Variants in ATP8A1 observed in about 807,000 individuals in gnomAD.
ATP8A1 encodes the protein phospholipid-transporting ATPase IA.
ATP8A1 carries 90 observed loss-of-function variants against 177.7 expected under a neutral mutation model. The ratio of observed to expected loss-of-function variants is 0.51; its 90% CI spans 0.43 to 0.60. The LOEUF (loss-of-function observed/expected upper bound fraction) is 0.60. Among genes scored for constraint, ATP8A1 ranks in the 20% least tolerant of loss-of-function variants. ATP8A1 has a pLI of 0.00. For missense variants in ATP8A1, 1,072 were observed against 1,392.8 expected (o/e 0.77, Z 3.67); for synonymous variants, 493 against 485.9 (o/e 1.01, Z -0.19).
intron 6 of ATP8A1, among the ~76,000 whole-genome samples, chr4:42,591,354 A>C (rs571023088): frequency 6.6e-6 from 1 of 150,816 alleles, no homozygotes; most frequent in Non-Finnish European, 1.5e-5. Context: ...TGCCCCACTT[A>C]AAAAAAAACT....
At chr4:42,566,620 A>G (rs1731374494) in intron 15 of ATP8A1, among the ~76,000 whole-genome samples, 1 of 152,240 alleles carries the variant, frequency 6.6e-6, no homozygotes, top group African/African-American at 2.4e-5. Context: ...TTACTGAAAG[A>G]AATTCTAGGT....
chr4:42,624,629 T>C lies in ATP8A1; in HGVS notation c.270A>G (p.Ile90Met). The change falls in exon 4 of 37, where the codon ATA becomes ATG. Residue 90 changes from isoleucine (I) to methionine (M), a missense_variant. Transcript: ENST00000381668. ...AACGACCTGTTGGTGACACATCAGG[T>C]ATTTGCTGTTTGGAAAAAAAAAAAA... ...FFLFIALLQQIPDVSPTGRYT... is the reference protein window; with the variant it reads ...FFLFIALLQQMPDVSPTGRYT... 1 of 1,368,366 alleles carries C rather than the reference T, an allele frequency of 7.3e-7. No homozygotes were observed. Among genetic ancestry groups the C allele is most frequent in the South Asian group, 1.9e-5 (1 of 53,234 alleles). 84.8% of individuals were successfully genotyped at this position (1,368,366 alleles called of 1,614,324 possible).
chr4:42,412,880 G>C lies in ATP8A1; in HGVS notation c.*36C>G, dbSNP rs775377029. 6 of 1,583,508 alleles carry C rather than the reference G, an allele frequency of 3.8e-6. No individual in the cohort carries two copies. The highest frequency in any genetic ancestry group is 1.7e-6 in the Non-Finnish European group (2 of 1,153,140). On this transcript the variant is annotated 3_prime_UTR_variant, in exon 37 of 37. Transcript: ENST00000381668. Reference sequence around the variant, plus strand: ...GGTGACAACCTGGTAGCTCTCCTTAGAGAGGTAACAGAGCCTGCCTTTCAG... The same window carrying C: ...GGTGACAACCTGGTAGCTCTCCTTACAGAGGTAACAGAGCCTGCCTTTCAG...
intron 16 of ATP8A1, 71 bp from the exon 17 acceptor site, chr4:42,552,681 C>A: frequency 2.7e-6 from 3 of 1,106,250 alleles, no homozygotes. Flanking sequence ...AATATTACTT[C>A]ATGTCTATTA....
intron 6 of ATP8A1, among the ~76,000 whole-genome samples, chr4:42,592,806 A>G (rs533082743): frequency 6.6e-6 from 1 of 152,222 alleles, no homozygotes; most frequent in African/African-American, 2.4e-5. Context: ...AGAAACAGTA[A>G]CACAATACTA....
At chr4:42,520,665 A>T (rs1726023606) in intron 22 of ATP8A1, among the ~76,000 whole-genome samples, 1 of 152,160 alleles carries the variant, frequency 6.6e-6, no homozygotes, top group East Asian at 1.9e-4. Flanking sequence ...TTAGGGTGGG[A>T]GTATCATGCT....
intron 5 of ATP8A1, among the ~76,000 whole-genome samples, chr4:42,608,824 A>ACTAT (rs771666454): frequency 4.6e-5 from 7 of 152,190 alleles, no homozygotes; most frequent in Non-Finnish European, 1.0e-4. Flanking sequence ...TATAGCTGAG[A>ACTAT]CTATGGCTTT....
At chr4:42,539,768 T>C (rs1728202313) in intron 20 of ATP8A1, among the ~76,000 whole-genome samples, 1 of 152,070 alleles carries the variant, frequency 6.6e-6, no homozygotes, top group Non-Finnish European at 1.5e-5. Flanking sequence ...ACTGAACCCT[T>C]ATCTCTTGCC....
intron 19 of ATP8A1, among the ~76,000 whole-genome samples, chr4:42,547,896 A>C (rs1729086787): frequency 6.6e-6 from 1 of 152,226 alleles, no homozygotes; most frequent in African/African-American, 2.4e-5. Context: ...AAGAAAAATG[A>C]TGGACACTTA....
intron 20 of ATP8A1, among the ~76,000 whole-genome samples, chr4:42,529,660 G>A (rs1727062934): frequency 6.6e-6 from 1 of 152,342 alleles, no homozygotes; most frequent in East Asian, 1.9e-4. Flanking sequence ...CCAGTTGACA[G>A]AGGAAGAGAA....
At chr4:42,611,661 C>T (rs535376452) in intron 5 of ATP8A1, among the ~76,000 whole-genome samples, 1 of 152,290 alleles carries the variant, frequency 6.6e-6, no homozygotes, top group South Asian at 2.1e-4. Flanking sequence ...TGTCATTCCA[C>T]TTGAAATATT....
At chr4:42,611,623 G>A (rs188583563) in intron 5 of ATP8A1, among the ~76,000 whole-genome samples, 1 of 151,992 alleles carries the variant, frequency 6.6e-6, no homozygotes, top group Admixed American at 6.6e-5. Flanking sequence ...CCTTTCCCAG[G>A]CCCCCATGTT....
At chr4:42,590,674 G>T in intron 7 of ATP8A1, 137 bp downstream of exon 7, 1 of 721,286 alleles carries the variant, frequency 1.4e-6, no homozygotes, top group Non-Finnish European at 2.4e-6. Flanking sequence ...TCTGTGAAAT[G>T]TCCATCACCA....
At chr4:42,532,685 C>T (rs1046239031) in intron 20 of ATP8A1, among the ~76,000 whole-genome samples, 3 of 152,164 alleles carry the variant, frequency 2.0e-5, no homozygotes, top group Non-Finnish European at 2.9e-5. Context: ...GATGGAGCAG[C>T]GTGGAGACTC....
chr4:42,650,726 A>C (rs1030835846), intron 1 of ATP8A1, among the ~76,000 whole-genome samples: 1 of 152,236 alleles, frequency 6.6e-6, no homozygotes, highest in Non-Finnish European at 1.5e-5. Context: ...TATAGTATTC[A>C]ACAGAAGAAA....
intron 4 of ATP8A1, among the ~76,000 whole-genome samples, chr4:42,617,115 A>C (rs1387183193): frequency 6.6e-6 from 1 of 152,236 alleles, no homozygotes; most frequent in Non-Finnish European, 1.5e-5. Flanking sequence ...TACAGTTTTC[A>C]GAATCACAGT....
At chr4:42,571,843 C>T (rs981546461) in intron 14 of ATP8A1, among the ~76,000 whole-genome samples, 2 of 152,090 alleles carry the variant, frequency 1.3e-5, no homozygotes, top group Non-Finnish European at 2.9e-5. Context: ...TTTTATTGCC[C>T]ATCATGAATC....
chr4:42,415,285 CTTAATT>C (rs1713109587), intron 35 of ATP8A1: 1 of 151,904 alleles, frequency 6.6e-6, no homozygotes, highest in Non-Finnish European at 1.5e-5. Flanking sequence ...ACATGTGTTC[CTTAATT>C]TTATTTTAAA....
At chr4:42,441,099 G>A (rs1260917066) in intron 33 of ATP8A1, among the ~76,000 whole-genome samples, 2 of 152,020 alleles carry the variant, frequency 1.3e-5, no homozygotes, top group Non-Finnish European at 2.9e-5. Context: ...GGCTGCTCTG[G>A]GCCGTGTTTC....
Sources: allele counts gnomAD v4.1 joint callset (sites outside exome capture counted in the v4.1 genomes callset), GRCh38; gene constraint gnomAD v4.1.1; transcripts MANE v1.5; gene names NCBI Gene and HGNC (gene_info 2026-07-23, HGNC 2026-07-21).